The following MECOM variants were observed in gnomAD, a reference collection of about 807,000 sequenced individuals.
MECOM encodes the protein histone-lysine N-methyltransferase MECOM.
A neutral mutation model predicts 116.3 loss-of-function variants in MECOM; 13 were observed. The observed-to-expected ratio is 0.11, with a 90% CI of 0.07 to 0.18. The LOEUF is 0.18. MECOM is among the 10% of genes least tolerant of loss of function. MECOM has a pLI of 1.00. For synonymous variants in MECOM, 528 were observed against 535.2 expected (o/e 0.99, Z 0.19); for missense variants, 1,299 against 1,509.0 (o/e 0.86, Z 2.31).
chr3:169,306,755 T>G (rs1329894359), intron 2 of MECOM, among the ~76,000 whole-genome samples: 1 of 152,210 alleles, frequency 6.6e-6, no homozygotes, highest in East Asian at 1.9e-4. Context: ...TGTCCTGGTT[T>G]TTCTCCTGCT....
chr3:169,340,246 T>A (rs993861047), intron 2 of MECOM, among the ~76,000 whole-genome samples: 2 of 152,302 alleles, frequency 1.3e-5, no homozygotes, highest in South Asian at 4.1e-4. Context: ...TCAATGCCCA[T>A]CATAAATAAC....
At chr3:169,153,635 A>C (rs1741504802) in intron 2 of MECOM, among the ~76,000 whole-genome samples, 2 of 152,312 alleles carry the variant, frequency 1.3e-5, no homozygotes, top group South Asian at 4.1e-4. Context: ...CTTTAGATAC[A>C]CCATCTAAGA....
intron 1 of MECOM, among the ~76,000 whole-genome samples, chr3:169,421,699 A>G (rs1336832713): frequency 3.3e-5 from 5 of 151,750 alleles, no homozygotes; most frequent in Non-Finnish European, 7.4e-5. Flanking sequence ...AAAAAAAAAA[A>G]CAAAACGATT....
chr3:169,280,089 T>C (rs1236329414), intron 2 of MECOM, among the ~76,000 whole-genome samples: 1 of 152,150 alleles, frequency 6.6e-6, no homozygotes, highest in Non-Finnish European at 1.5e-5. Context: ...ACCCAGACTG[T>C]TACTCTTCTG....
intron 1 of MECOM, among the ~76,000 whole-genome samples, chr3:169,635,678 G>T (rs1772650541): frequency 6.6e-6 from 1 of 152,190 alleles, no homozygotes. Context: ...ACAGGATGTG[G>T]CTGCATGTAC....
chr3:169,641,981 T>C (rs1773548947), intron 1 of MECOM, among the ~76,000 whole-genome samples: 2 of 152,264 alleles, frequency 1.3e-5, no homozygotes, highest in African/African-American at 4.8e-5. Flanking sequence ...ATGATACATT[T>C]ACCAGTGATC....
chr3:169,201,032 G>A (rs1467923434), intron 2 of MECOM, among the ~76,000 whole-genome samples: 1 of 152,114 alleles, frequency 6.6e-6, no homozygotes, highest in African/African-American at 2.4e-5. Flanking sequence ...CCCTTGCCCT[G>A]TAGATAGTGA....
intron 2 of MECOM, among the ~76,000 whole-genome samples, chr3:169,301,773 G>T (rs1716763301): frequency 6.6e-6 from 1 of 152,110 alleles, no homozygotes; most frequent in South Asian, 2.1e-4. Context: ...ATATTACTGA[G>T]AATAATACCA....
At chr3:169,353,723 A>G (rs946645337) in intron 2 of MECOM, among the ~76,000 whole-genome samples, 4 of 151,886 alleles carry the variant, frequency 2.6e-5, no homozygotes, top group Admixed American at 1.3e-4. Flanking sequence ...TTTCTTAGGT[A>G]TCTTTTAAGA....
At chr3:169,140,442 G>C (rs2149267164) in intron 3 of MECOM, among the ~76,000 whole-genome samples, 1 of 152,060 alleles carries the variant, frequency 6.6e-6, no homozygotes, top group Admixed American at 6.6e-5. Flanking sequence ...CTTTCATAGA[G>C]GTAAATTACT....
chr3:169,394,817 T>C (rs1380732388), intron 1 of MECOM, among the ~76,000 whole-genome samples: 1 of 152,158 alleles, frequency 6.6e-6, no homozygotes, highest in Non-Finnish European at 1.5e-5. Flanking sequence ...TTAATTTGCA[T>C]AGTACAAAGG....
intron 4 of MECOM, among the ~76,000 whole-genome samples, chr3:169,131,088 AAAGCTCAAAATC>A (rs1307882415): frequency 6.6e-6 from 1 of 152,174 alleles, no homozygotes; most frequent in Non-Finnish European, 1.5e-5. Context: ...TTGATTTAGG[AAAGCTCAAAATC>A]AAGCTCCCTG....
intron 2 of MECOM, among the ~76,000 whole-genome samples, chr3:169,263,116 TATATATATA>T (rs1560061017): frequency 9.0e-5 from 9 of 100,026 alleles, no homozygotes; most frequent in African/African-American, 1.5e-4. Context: ...TATATATATA[TATATATATA>T]TATGTTTTTT....
At chr3:169,563,205 C>CT (rs1389045113) in intron 1 of MECOM, among the ~76,000 whole-genome samples, 1 of 152,022 alleles carries the variant, frequency 6.6e-6, no homozygotes, top group Non-Finnish European at 1.5e-5. Flanking sequence ...AGTCAGAATC[C>CT]TATGGTAATT....
intron 1 of MECOM, among the ~76,000 whole-genome samples, chr3:169,573,039 T>C (rs1243580441): frequency 6.6e-6 from 1 of 152,064 alleles, no homozygotes; most frequent in Non-Finnish European, 1.5e-5. Flanking sequence ...CTGGGCCATG[T>C]TGAAGCTTTC....
intron 2 of MECOM, among the ~76,000 whole-genome samples, chr3:169,203,163 C>T (rs149091852): frequency 8.3e-4 from 126 of 152,194 alleles, no homozygotes; most frequent in African/African-American, 3.0e-3. Context: ...TAGAACTGTC[C>T]GTGGTTTACA....
At chr3:169,456,881 C>T (rs766626842) in intron 1 of MECOM, among the ~76,000 whole-genome samples, 3 of 152,178 alleles carry the variant, frequency 2.0e-5, no homozygotes, top group Non-Finnish European at 4.4e-5. Flanking sequence ...CACATGTTCT[C>T]GCCGGGTGTG....
At chr3:169,559,452 T>C (rs1762405612) in intron 1 of MECOM, among the ~76,000 whole-genome samples, 1 of 152,138 alleles carries the variant, frequency 6.6e-6, no homozygotes, top group Admixed American at 6.5e-5. Context: ...AAGAAAGAAA[T>C]AATATACATA....
At chr3:169,547,331 T>C (rs1354077605) in intron 1 of MECOM, among the ~76,000 whole-genome samples, 2 of 152,248 alleles carry the variant, frequency 1.3e-5, no homozygotes, top group Non-Finnish European at 2.9e-5. Context: ...CAATGCTTCC[T>C]GTACAACCTA....
Sources: gnomAD v4.1 joint callset for allele counts (sites outside exome capture counted in the v4.1 genomes callset) on GRCh38, gnomAD v4.1.1 for gene constraint, MANE v1.5 for transcripts, NCBI Gene and HGNC (gene_info 2026-07-23, HGNC 2026-07-21) for gene names.